The following ADCY2 variants were observed in gnomAD, a reference collection of about 807,000 sequenced individuals.
The protein encoded by ADCY2 is adenylate cyclase type 2.
ADCY2 carries 31 observed loss-of-function variants against 125.2 expected under a neutral mutation model. The ratio of observed to expected loss-of-function variants is 0.25; its 90% CI spans 0.19 to 0.33. The LOEUF (loss-of-function observed/expected upper bound fraction) is 0.33. ADCY2 is among the 10% of genes least tolerant of loss of function. ADCY2 has a pLI of 1.00. For missense variants in ADCY2, 904 were observed against 1,418.2 expected (o/e 0.64, Z 5.82); for synonymous variants, 512 against 548.4 (o/e 0.93, Z 0.93).
At chr5:7,766,489 T>G (rs142554487) in intron 16 of ADCY2, among the ~76,000 whole-genome samples, 198 bp from the exon 17 acceptor site, 1 of 152,290 alleles carries the variant, frequency 6.6e-6, no homozygotes, top group Non-Finnish European at 1.5e-5. Context: ...TTAATGTGAA[T>G]TTTGAAGTTC....
At chr5:7,579,411 T>TA (rs936370437) in intron 3 of ADCY2, among the ~76,000 whole-genome samples, 8 of 151,346 alleles carry the variant, frequency 5.3e-5, no homozygotes, top group Admixed American at 2.6e-4. Flanking sequence ...GGGAAAACCC[T>TA]AAAAAAAAGA....
chr5:7,414,356 T>G (rs533815078), intron 1 of ADCY2, among the ~76,000 whole-genome samples: 1 of 152,294 alleles, frequency 6.6e-6, no homozygotes, highest in African/African-American at 2.4e-5. Flanking sequence ...TTGTCCTATT[T>G]TAAATATCCA....
In ADCY2 at chr5:7,829,239, G is replaced by A. The variant is rs1745573224; in HGVS notation, c.*2368G>A. On this transcript the variant is annotated 3_prime_UTR_variant, in exon 25 of 25. Coordinates refer to ENST00000338316, the MANE Select transcript of ADCY2 (RefSeq NM_020546.3). ...TGGGGCCCAGCACAACTGCTGTTTA[G>A]TGAACAGGTTCTCCAGGTGATTCTG... 6.6e-6 allele frequency: 1 copy of A among 152,628 alleles called. No individual in the cohort carries two copies. Among genetic ancestry groups the A allele is most frequent in the African/African-American group, 2.4e-5 (1 of 41,444 alleles). The allele number at this position is 152,628 out of a possible 1,614,324, so 9.5% of individuals were successfully genotyped here.
rs59394287 is a variant in ADCY2 at position 7,586,372 on chromosome 5, A to G, written c.571-39795A>G. Among the ~76,000 whole-genome samples the G allele has an allele frequency of 4.9e-3, 745 of 152,272 alleles. 21 individuals carry two copies. Among genetic ancestry groups the G allele is most frequent in the Admixed American group, 0.04 (606 of 15,290 alleles). On this transcript the variant is annotated intron_variant, in intron 3 of 24. Coordinates refer to ENST00000338316, the MANE Select transcript of ADCY2 (RefSeq NM_020546.3). ...TTAAAACAGCCACTTTCAAGGTCCCAACCACATTAACAGGCCTGTCCTTTC... is the reference window on the plus strand; with the variant it reads ...TTAAAACAGCCACTTTCAAGGTCCCGACCACATTAACAGGCCTGTCCTTTC...
chr5:7,674,980 TC>T (rs1740070828), intron 4 of ADCY2, among the ~76,000 whole-genome samples: 3 of 151,866 alleles, frequency 2.0e-5, no homozygotes, highest in Non-Finnish European at 4.4e-5. Context: ...ATGGTGAAAC[TC>T]CGTCTCTACT....
At chr5:7,642,073 T>G (rs1164736835) in intron 4 of ADCY2, among the ~76,000 whole-genome samples, 1 of 152,228 alleles carries the variant, frequency 6.6e-6, no homozygotes, top group East Asian at 1.9e-4. Flanking sequence ...ATGGTAGTTC[T>G]GTTTTAAGTT....
intron 4 of ADCY2, among the ~76,000 whole-genome samples, chr5:7,643,236 A>T (rs1738773251): frequency 6.6e-6 from 1 of 152,060 alleles, no homozygotes; most frequent in Non-Finnish European, 1.5e-5. Context: ...TAAAAATTTT[A>T]TAGGTTAGCA....
At chr5:7,792,360 C>T (rs1744276811) in intron 20 of ADCY2, among the ~76,000 whole-genome samples, 1 of 152,086 alleles carries the variant, frequency 6.6e-6, no homozygotes, top group African/African-American at 2.4e-5. Flanking sequence ...TGCCATTGCA[C>T]TCCAGCCTCA....
chr5:7,716,568 T>C (rs1741596484), intron 11 of ADCY2, among the ~76,000 whole-genome samples: 1 of 152,242 alleles, frequency 6.6e-6, no homozygotes, highest in East Asian at 1.9e-4. Flanking sequence ...CCAAAAACTT[T>C]AGTTATTCAC....
At chr5:7,465,273 T>C (rs1742072836) in intron 2 of ADCY2, among the ~76,000 whole-genome samples, 1 of 152,160 alleles carries the variant, frequency 6.6e-6, no homozygotes, top group Non-Finnish European at 1.5e-5. Context: ...CAGCTGGAGG[T>C]CTGTAGTTAC....
chr5:7,501,995 C>A (rs974113275), intron 2 of ADCY2, among the ~76,000 whole-genome samples: 1 of 152,182 alleles, frequency 6.6e-6, no homozygotes, highest in Non-Finnish European at 1.5e-5. Flanking sequence ...AGACTTTCAA[C>A]ATGGCTGATC....
intron 3 of ADCY2, among the ~76,000 whole-genome samples, chr5:7,612,128 C>G (rs1319064291): frequency 6.6e-6 from 1 of 151,978 alleles, no homozygotes; most frequent in Non-Finnish European, 1.5e-5. Flanking sequence ...AGAACTGATT[C>G]TGAATTTCTC....
chr5:7,691,945 T>A, intron 5 of ADCY2: 1 of 153,918 alleles, frequency 6.5e-6, no homozygotes, highest in South Asian at 2.0e-4. Context: ...AAGGGGAAGG[T>A]GTCACACACT....
chr5:7,712,272 G>T lies in ADCY2; in HGVS notation c.1579-584G>T, dbSNP rs573573676. On this transcript the variant is annotated intron_variant, in intron 10 of 24. Coordinates refer to ENST00000338316, the MANE Select transcript of ADCY2 (RefSeq NM_020546.3). ...CTTGAAAGCCTATTATTGAATATTT[G>T]ACAGTGGCTTTTCCACTTATAAATT... Among the ~76,000 whole-genome samples, 5 of 152,212 alleles carry T rather than the reference G, an allele frequency of 3.3e-5. No homozygotes were observed. In the South Asian group the frequency reaches 6.2e-4, roughly 19 times the overall value.
chr5:7,737,919 C>A (rs1560925902), intron 14 of ADCY2, among the ~76,000 whole-genome samples: 1 of 152,064 alleles, frequency 6.6e-6, no homozygotes, highest in East Asian at 1.9e-4. Context: ...ACATGATGAA[C>A]CCTGAATTAA....
chr5:7,698,202 T>A lies in ADCY2; in HGVS notation c.982-45T>A. 1.9e-6 allele frequency: 3 copies of A among 1,610,524 alleles called. No homozygotes were observed. In the South Asian group the frequency reaches 3.3e-5, roughly 18 times the overall value. ...GATATTACATGAATCTAGATCATTCTGCAAGTGCTTAATGCAACTGAAATT... is the reference window on the plus strand; with the variant it reads ...GATATTACATGAATCTAGATCATTCAGCAAGTGCTTAATGCAACTGAAATT... On this transcript the variant is annotated intron_variant, in intron 6 of 24. Coordinates refer to ENST00000338316, the MANE Select transcript of ADCY2 (RefSeq NM_020546.3).
At chr5:7,725,766 C>T (rs1436469097) in intron 13 of ADCY2, among the ~76,000 whole-genome samples, 1 of 152,188 alleles carries the variant, frequency 6.6e-6, no homozygotes, top group Non-Finnish European at 1.5e-5. Flanking sequence ...AGAATGTAAT[C>T]ACATTTCAGC....
chr5:7,656,775 T>A (rs1739349354), intron 4 of ADCY2, among the ~76,000 whole-genome samples: 1 of 152,220 alleles, frequency 6.6e-6, no homozygotes, highest in South Asian at 2.1e-4. Context: ...GGATGAGAGA[T>A]CCTGGGTTCA....
At chr5:7,499,648 GATATATATAT>G (rs70940741) in intron 2 of ADCY2, among the ~76,000 whole-genome samples, 4,481 of 118,388 alleles carry the variant, frequency 0.038, 221 homozygotes, top group African/African-American at 0.11. Context: ...TATGTGGGTG[GATATATATAT>G]ATATATATAT....
Sources: allele counts gnomAD v4.1 joint callset (sites outside exome capture counted in the v4.1 genomes callset), GRCh38; gene constraint gnomAD v4.1.1; transcripts MANE v1.5; gene names NCBI Gene and HGNC (gene_info 2026-07-23, HGNC 2026-07-21).